GLRA1: variants seen among roughly 807,000 people sequenced by gnomAD.
GLRA1 encodes the protein glycine receptor subunit alpha-1.
Under a neutral mutation model 48.3 loss-of-function variants are expected in GLRA1, and 37 were observed. The ratio of observed to expected loss-of-function variants is 0.77; its 90% confidence interval spans 0.59 to 1.01. The LOEUF is 1.01. Ranked by LOEUF, GLRA1 falls within the 50% of genes least tolerant of loss-of-function variation. The probability of loss-of-function intolerance (pLI) is 0.00; values close to 1 mark genes in which losing one functional copy is unlikely to be tolerated. For missense variants in GLRA1, 427 were observed against 571.0 expected, an observed-to-expected ratio of 0.75 and a Z score of 2.57; for synonymous variants, 196 against 210.7, an observed-to-expected ratio of 0.93 and a Z score of 0.60.
chr5:151,849,712 C>A, intron 7 of GLRA1: 1 of 281,552 alleles, frequency 3.6e-6, no homozygotes, highest in Non-Finnish European at 6.7e-6. Context: ...GTGACTACGC[C>A]CAGCTAATTT....
intron 1 of GLRA1, among the ~76,000 whole-genome samples, chr5:151,895,115 A>C (rs1472957313): frequency 1.3e-5 from 2 of 152,186 alleles, no homozygotes; most frequent in Non-Finnish European, 2.9e-5. Flanking sequence ...TATGGGGATT[A>C]GAGTGTGCAT....
Position 151,851,552 on chromosome 5 carries a change from G to C in GLRA1, c.750C>G (p.Tyr250Ter). The C allele has an allele frequency of 1.9e-6, 3 of 1,614,080 alleles. No homozygotes were observed. Among genetic ancestry groups the C allele is most frequent in the Non-Finnish European group, 2.5e-6 (3 of 1,179,926 alleles). ...TGGGAATATACATCTGAATCAGGTA[G>C]TAACCCATCTGCCGCTCCAGGTGGA... is the stretch of plus-strand genomic sequence containing the variant. ...ARFHLERQMG[Y>*]YLIQMYIPSL... is the part of the protein sequence containing the mutation. Residue 250 changes from tyrosine to a stop codon, truncating the protein, a stop_gained, in exon 7 of 9, where the codon TAC becomes TAG. Transcript: ENST00000274576. LOFTEE classifies it high-confidence loss of function.
intron 3 of GLRA1, among the ~76,000 whole-genome samples, chr5:151,867,089 T>G (rs1753357506): frequency 6.6e-6 from 1 of 152,108 alleles, no homozygotes; most frequent in Non-Finnish European, 1.5e-5. Flanking sequence ...CCGGCCTGGG[T>G]AACAGAGCAA....
At position 151,850,669 on chromosome 5, in the gene GLRA1, G is replaced by A. The variant is rs562767783; in HGVS notation, c.912+721C>T. ...ACATTCCCTGGACTGTTGGCCAGGA[G>A]AAGAAGGGTTACTTTGAAGACTGTT... On this transcript the variant is annotated intron_variant, in intron 7 of 8. Coordinates refer to ENST00000274576, the MANE Select transcript of GLRA1 (RefSeq NM_000171.4). 328 of 1,319,150 alleles carry A rather than the reference G, an allele frequency of 2.5e-4. No individual in the cohort carries two copies. In the African/African-American group the frequency reaches 4.1e-3, roughly 17 times the overall value. The allele number at this position is 1,319,150 out of a possible 1,614,324, so 81.7% of individuals were successfully genotyped here.
At chr5:151,914,183 G>C (rs553065821) in intron 1 of GLRA1, among the ~76,000 whole-genome samples, 1 of 152,244 alleles carries the variant, frequency 6.6e-6, no homozygotes, top group East Asian at 1.9e-4. Context: ...GGCTTGTAGG[G>C]ACACATTGGA....
intron 3 of GLRA1, among the ~76,000 whole-genome samples, chr5:151,876,713 G>A (rs572921915): frequency 3.3e-5 from 5 of 152,230 alleles, no homozygotes; most frequent in African/African-American, 1.2e-4. Flanking sequence ...ATAGTGACAT[G>A]CAAGCAGAAG....
At chr5:151,910,061 A>G (rs1754572223) in intron 1 of GLRA1, among the ~76,000 whole-genome samples, 1 of 152,214 alleles carries the variant, frequency 6.6e-6, no homozygotes, top group African/African-American at 2.4e-5. Flanking sequence ...TTTTGCTTCC[A>G]GCACAATGAC....
intron 1 of GLRA1, among the ~76,000 whole-genome samples, chr5:151,910,088 A>C (rs1754572771): frequency 6.6e-6 from 1 of 152,148 alleles, no homozygotes; most frequent in Non-Finnish European, 1.5e-5. Flanking sequence ...GGGAAAAGCA[A>C]CTTCCATTTG....
chr5:151,829,044 GTC>G lies in GLRA1; in HGVS notation c.934_935del (p.Asp312HisfsTer21). On this transcript the variant is annotated frameshift_variant, in exon 8 of 9. Transcript: ENST00000274576. LOFTEE classifies it high-confidence loss of function. Reference sequence around the variant, plus strand: ...AGAGCAGGCAAACTGCCATCCAAATGTCAATGGCTTTCACATAGGACACCTAG... The same window carrying G: ...AGAGCAGGCAAACTGCCATCCAAATGAATGGCTTTCACATAGGACACCTAG... ...LPKVSYVKAI[D>X]IWMAVCLLFV... 6.2e-7 allele frequency: 1 copy of G among 1,614,044 alleles called. No individual in the cohort carries two copies. Among genetic ancestry groups the G allele is most frequent in the South Asian group, 1.1e-5 (1 of 91,080 alleles).
In GLRA1 at chr5:151,849,104, T is replaced by TTTCTTTCTTTCTTTC. The variant is rs200997346; in HGVS notation, c.912+2285_912+2286insGAAAGAAAGAAAGAA. ...TTTTCTTTCCTTTTTATTTCTTTTC[T>TTTCTTTCTTTCTTTC]TTTCTTTCTTTCTTTCTTTCTTTCT... On this transcript the variant is annotated intron_variant, in intron 7 of 8. Coordinates refer to ENST00000274576, the MANE Select transcript of GLRA1 (RefSeq NM_000171.4). The TTTCTTTCTTTCTTTC allele has an allele frequency of 2.9e-3, 335 of 117,004 alleles. 26 individuals are homozygous for TTTCTTTCTTTCTTTC. Among genetic ancestry groups the TTTCTTTCTTTCTTTC allele is most frequent in the East Asian group, 2.6e-3 (19 of 7,348 alleles). 7.2% of individuals were successfully genotyped at this position (117,004 alleles called of 1,614,324 possible). A position where few individuals can be genotyped will look rare whatever the true frequency, so the allele number is the denominator to read the frequency against.
chr5:151,849,156 T>TTTC, intron 7 of GLRA1: 1 of 98,846 alleles, frequency 1.0e-5, no homozygotes, highest in African/African-American at 8.3e-5. Flanking sequence ...TTCTTTCTTT[T>TTTC]CTTTTCTTTT....
At chr5:151,919,145 A>G (rs1754812440) in intron 1 of GLRA1, among the ~76,000 whole-genome samples, 1 of 152,234 alleles carries the variant, frequency 6.6e-6, no homozygotes, top group African/African-American at 2.4e-5. Context: ...AGGTCAACTC[A>G]ATGTGGTGAC....
At position 151,892,366 on chromosome 5, in the gene GLRA1, A is replaced by G. The variant is rs1369161151; in HGVS notation, c.129T>C (p.Asp43=). ...PKPMSPSDFL[D]KLMGRTSGYD... is the part of the protein sequence containing the mutation. Reference sequence around the variant, plus strand: ...ATCCGGAGGTTCTCCCCATTAGCTTATCCAGGAAATCCGAGGGTGACATAG... The same window carrying G: ...ATCCGGAGGTTCTCCCCATTAGCTTGTCCAGGAAATCCGAGGGTGACATAG... Residue 43 remains aspartate (D), a synonymous_variant, in exon 2 of 9, where the codon GAT becomes GAC. Coordinates refer to ENST00000274576, the MANE Select transcript of GLRA1 (RefSeq NM_000171.4). 1 of 1,613,840 alleles carries G rather than the reference A, an allele frequency of 6.2e-7. No homozygotes were observed. Among genetic ancestry groups the G allele is most frequent in the Non-Finnish European group, 8.5e-7 (1 of 1,179,876 alleles).
At chr5:151,826,568 G>A (rs951661661) in intron 8 of GLRA1, among the ~76,000 whole-genome samples, 13 of 152,132 alleles carry the variant, frequency 8.5e-5, no homozygotes, top group African/African-American at 3.1e-4. Context: ...GCTATTGTGG[G>A]TCTCTCTCAT....
At chr5:151,890,045 G>A (rs1435106119) in intron 2 of GLRA1, among the ~76,000 whole-genome samples, 3 of 152,018 alleles carry the variant, frequency 2.0e-5, no homozygotes. Flanking sequence ...TTGATTCAGT[G>A]GTCAGGATAA....
intron 1 of GLRA1, 34 bp downstream of exon 1, chr5:151,924,460 A>T (rs765344212): frequency 7.5e-7 from 1 of 1,342,104 alleles, no homozygotes; most frequent in Non-Finnish European, 1.1e-6. Flanking sequence ...CCCCATTTCC[A>T]TCAGAGCGAT....
intron 7 of GLRA1, among the ~76,000 whole-genome samples, chr5:151,837,740 CAT>C (rs1763613139): frequency 6.6e-6 from 1 of 152,162 alleles, no homozygotes; most frequent in South Asian, 2.1e-4. Flanking sequence ...TGTTCTCACT[CAT>C]AAATGGGAGT....
At chr5:151,868,180 G>A (rs899441375) in intron 3 of GLRA1, among the ~76,000 whole-genome samples, 51 of 152,266 alleles carry the variant, frequency 3.3e-4, no homozygotes, top group African/African-American at 1.2e-3. Context: ...TTACAGAAAG[G>A]GAGTCTCCCT....
chr5:151,886,301 GA>G (rs1390335687), intron 3 of GLRA1, among the ~76,000 whole-genome samples: 1 of 151,910 alleles, frequency 6.6e-6, no homozygotes, highest in Non-Finnish European at 1.5e-5. Flanking sequence ...TTTTTACTGT[GA>G]AAAGTTTTAA....
Sources: allele counts gnomAD v4.1 joint callset (sites outside exome capture counted in the v4.1 genomes callset), GRCh38; gene constraint gnomAD v4.1.1; transcripts MANE v1.5; gene names NCBI Gene and HGNC (gene_info 2026-07-23, HGNC 2026-07-21).